The following ABCA13 variants were observed in gnomAD, a reference collection of about 807,000 sequenced individuals.
The protein encoded by ABCA13 is ATP-binding cassette sub-family A member 13.
ABCA13 carries 476 observed loss-of-function variants against 478.7 expected under a neutral mutation model. That is an observed-to-expected ratio of 0.99 (90% CI 0.92 to 1.07). The LOEUF (loss-of-function observed/expected upper bound fraction) is 1.07. Ranked by LOEUF, ABCA13 falls within the 50% of genes least tolerant of loss-of-function variation. The probability of loss-of-function intolerance (pLI) is 0.00; values close to 1 mark genes in which losing one functional copy is unlikely to be tolerated. For missense variants in ABCA13, 6,060 were observed against 5,910.6 expected (o/e 1.03, Z -0.83); for synonymous variants, 2,252 against 2,158.9 (o/e 1.04, Z -1.20).
chr7:48,214,227 G>A (rs1313084328), intron 3 of ABCA13, among the ~76,000 whole-genome samples: 1 of 152,164 alleles, frequency 6.6e-6, no homozygotes, highest in African/African-American at 2.4e-5. Flanking sequence ...TGAGCAGTAG[G>A]TTTTGACAGT....
chr7:48,599,539 T>C (rs963258709), intron 58 of ABCA13, among the ~76,000 whole-genome samples: 2 of 152,234 alleles, frequency 1.3e-5, no homozygotes, highest in African/African-American at 4.8e-5. Context: ...TTCCATTTTA[T>C]TAATAATGTC....
chr7:48,202,989 C>A (rs112625375), intron 3 of ABCA13, among the ~76,000 whole-genome samples: 31,339 of 151,590 alleles, frequency 0.21, 3,628 homozygotes, highest in East Asian at 0.32. Context: ...GAGGCTTGGG[C>A]TGCACAGGAA....
chr7:48,397,912 C>G lies in ABCA13; in HGVS notation c.11874-5771C>G, dbSNP rs533241448. Among the ~76,000 whole-genome samples the G allele has an allele frequency of 3.9e-5, 6 of 152,284 alleles. No individual in the cohort carries two copies. In the East Asian group the frequency reaches 1.2e-3, roughly 29 times the overall value. On this transcript the variant is annotated intron_variant, in intron 38 of 61. Transcript: ENST00000435803. ...AATCATCCTTTCTTCTTTTGTCCCC[C>G]GCTCAGCATTCACATTATTGTCATA...
chr7:48,349,667 A>G (rs1808639453), intron 29 of ABCA13, among the ~76,000 whole-genome samples: 1 of 152,178 alleles, frequency 6.6e-6, no homozygotes, highest in Admixed American at 6.5e-5. Flanking sequence ...AGAGGAGGGA[A>G]GCAAGCATGA....
chr7:48,636,633 C>T (rs146893434), intron 59 of ABCA13, among the ~76,000 whole-genome samples: 5 of 152,310 alleles, frequency 3.3e-5, no homozygotes, highest in East Asian at 1.9e-4. Context: ...TTATCACCCC[C>T]GCCACCATAC....
chr7:48,482,731 C>T (rs1828902479), intron 46 of ABCA13, among the ~76,000 whole-genome samples: 1 of 152,110 alleles, frequency 6.6e-6, no homozygotes. Context: ...GAGGGAATGA[C>T]CATTAATTAA....
At chr7:48,606,594 C>G (rs1434009226) in intron 58 of ABCA13, among the ~76,000 whole-genome samples, 1 of 152,142 alleles carries the variant, frequency 6.6e-6, no homozygotes, top group Non-Finnish European at 1.5e-5. Flanking sequence ...AAGCTTCATC[C>G]CAGAGGGTCA....
intron 19 of ABCA13, among the ~76,000 whole-genome samples, chr7:48,281,753 G>A (rs1797079433): frequency 6.6e-6 from 1 of 152,164 alleles, no homozygotes; most frequent in Non-Finnish European, 1.5e-5. Flanking sequence ...GTACTCTGTG[G>A]CCTAGAGCTG....
intron 51 of ABCA13, 84 bp from the exon 52 acceptor site, chr7:48,516,641 A>G: frequency 7.2e-7 from 1 of 1,382,858 alleles, no homozygotes; most frequent in Non-Finnish European, 1.0e-6. Flanking sequence ...GATTCACCCC[A>G]AGGTCTTAGA....
intron 15 of ABCA13, among the ~76,000 whole-genome samples, chr7:48,256,882 A>G (rs1407305914): frequency 6.6e-6 from 1 of 152,184 alleles, no homozygotes; most frequent in Non-Finnish European, 1.5e-5. Context: ...TAAGAATAAC[A>G]TTGAATCTGT....
intron 51 of ABCA13, among the ~76,000 whole-genome samples, chr7:48,511,712 T>A (rs1831699263): frequency 6.6e-6 from 1 of 152,190 alleles, no homozygotes; most frequent in African/African-American, 2.4e-5. Context: ...CTAGTCAGGA[T>A]CATTGCTAGT....
intron 56 of ABCA13, 89 bp downstream of exon 56, chr7:48,580,463 A>G (rs964041702): frequency 8.3e-6 from 11 of 1,329,204 alleles, no homozygotes; most frequent in South Asian, 1.4e-5. Flanking sequence ...CTCTCACCCT[A>G]TGAGGAGAAG....
chr7:48,639,768 A>C (rs1794971808), intron 59 of ABCA13, among the ~76,000 whole-genome samples: 1 of 152,216 alleles, frequency 6.6e-6, no homozygotes, highest in South Asian at 2.1e-4. Flanking sequence ...ATTAGTTTCT[A>C]TACCAAGAAG....
At chr7:48,306,886 CTT>C (rs774984242) in intron 23 of ABCA13, among the ~76,000 whole-genome samples, 1 of 152,156 alleles carries the variant, frequency 6.6e-6, no homozygotes, top group Admixed American at 6.5e-5. Context: ...AATCAGTAGA[CTT>C]TGAGTAAAGA....
chr7:48,275,845 C>A lies in ABCA13; in HGVS notation c.6179C>A (p.Pro2060His), dbSNP rs775473596. ...ETPYNFEELW[P>H]KFQQIMKDLT... ...CCTTACAACTTTGAAGAACTATGGC[C>A]CAAGTTTCAACAAATCATGAAAGAC... Residue 2060 changes from proline (P) to histidine (H), a missense_variant, in exon 17 of 62, where the codon CCC becomes CAC. Physicochemically the swap from Pro to His is moderately conservative, Grantham distance 77. Coordinates refer to ENST00000435803, the MANE Select transcript of ABCA13 (RefSeq NM_152701.5). 1.2e-6 allele frequency: 2 copies of A among 1,613,024 alleles called. No homozygotes were observed. Among genetic ancestry groups the A allele is most frequent in the African/African-American group, 2.7e-5 (2 of 74,866 alleles).
intron 45 of ABCA13, 31 bp from the exon 46 acceptor site, chr7:48,481,005 T>C (rs770001230): frequency 9.7e-6 from 14 of 1,440,298 alleles, no homozygotes; most frequent in Middle Eastern, 1.7e-4. Context: ...TATAAAAAAG[T>C]TTGTTTTTAT....
At chr7:48,511,547 G>A (rs933356402) in intron 51 of ABCA13, among the ~76,000 whole-genome samples, 1 of 152,190 alleles carries the variant, frequency 6.6e-6, no homozygotes, top group African/African-American at 2.4e-5. Flanking sequence ...GATTGCATTT[G>A]TGGAGGTTCT....
At chr7:48,372,756 A>G (rs1195401418) in intron 33 of ABCA13, among the ~76,000 whole-genome samples, 1 of 152,234 alleles carries the variant, frequency 6.6e-6, no homozygotes. Context: ...AATAAGCAAC[A>G]TTCTTAAGGA....
intron 38 of ABCA13, among the ~76,000 whole-genome samples, chr7:48,401,317 C>T (rs891482985): frequency 4.4e-4 from 67 of 152,280 alleles, no homozygotes; most frequent in African/African-American, 1.6e-3. Context: ...GGGATTTCCT[C>T]TGTAGGAAAG....
Sources: gnomAD v4.1 joint callset for allele counts (sites outside exome capture counted in the v4.1 genomes callset) on GRCh38, gnomAD v4.1.1 for gene constraint, MANE v1.5 for transcripts, NCBI Gene and HGNC (gene_info 2026-07-23, HGNC 2026-07-21) for gene names.